The following KIRREL1 variants were observed in gnomAD, a reference collection of about 807,000 sequenced individuals.
KIRREL1 encodes kirre like nephrin family adhesion molecule 1, also known as kin of IRRE-like protein 1.
A neutral mutation model predicts 83.3 loss-of-function variants in KIRREL1; 25 were observed. The observed-to-expected ratio is 0.30, with a 90% CI of 0.22 to 0.42. The LOEUF is 0.42. Ranked by LOEUF, KIRREL1 falls within the 10% of genes least tolerant of loss-of-function variation. The pLI is 1.00. For missense variants in KIRREL1, 812 were observed against 1,032.3 expected (o/e 0.79, Z 2.92); for synonymous variants, 388 against 410.4 (o/e 0.95, Z 0.66).
Position 158,095,992 on chromosome 1 carries a change from C to T in KIRREL1, c.*872C>T, listed in dbSNP as rs1662346201. On this transcript the variant is annotated 3_prime_UTR_variant, in exon 15 of 15. Coordinates refer to ENST00000359209, the MANE Select transcript of KIRREL1 (RefSeq NM_018240.7). Reference sequence around the variant, plus strand: ...TCTGCCCCACTTCCTGGCTTTAACTCTTGAGCTGGTTTGGGGAGTGGTGAG... The same window carrying T: ...TCTGCCCCACTTCCTGGCTTTAACTTTTGAGCTGGTTTGGGGAGTGGTGAG... 2 of 155,508 alleles carry T rather than the reference C, an allele frequency of 1.3e-5. No homozygotes were observed. Among genetic ancestry groups the T allele is most frequent in the Admixed American group, 1.3e-4 (2 of 15,788 alleles). The allele number at this position is 155,508 out of a possible 1,614,324, so 9.6% of individuals were successfully genotyped here.
At position 158,076,685 on chromosome 1, in the gene KIRREL1, G is replaced by A. The variant is rs1004945339; in HGVS notation, c.202+423G>A. Among the ~76,000 whole-genome samples, 5 of 152,226 alleles carry A rather than the reference G, an allele frequency of 3.3e-5. No individual in the cohort carries two copies. In the East Asian group the frequency reaches 9.6e-4, roughly 29 times the overall value. On this transcript the variant is annotated intron_variant, in intron 2 of 14. Transcript: ENST00000359209. ...CTCATGCCGGCCTGGCTCGGCTCCA[G>A]CCTCTCTCCTCCCCGCTGCCCAGGC...
Position 158,087,838 on chromosome 1 carries a change from A to T in KIRREL1, c.745A>T (p.Asn249Tyr). 1 of 1,614,050 alleles carries T rather than the reference A, an allele frequency of 6.2e-7. No individual in the cohort carries two copies. Among genetic ancestry groups the T allele is most frequent in the Non-Finnish European group, 8.5e-7 (1 of 1,179,954 alleles). Reference sequence around the variant, plus strand: ...TGTCTTTACCTGCCAGGCCACAGCCAACCCCGAGATCTTGGGCTACAGGTG... The same window carrying T: ...TGTCTTTACCTGCCAGGCCACAGCCTACCCCGAGATCTTGGGCTACAGGTG... ...RVVFTCQATANPEILGYRWAK... is the reference protein window; with the variant it reads ...RVVFTCQATAYPEILGYRWAK... Residue 249 changes from asparagine to tyrosine, a missense_variant, in exon 6 of 15, where the codon AAC (asparagine) becomes TAC (tyrosine). By Grantham distance (143) the Asn-to-Tyr change is moderately radical. Coordinates refer to ENST00000359209, the MANE Select transcript of KIRREL1 (RefSeq NM_018240.7).
In KIRREL1 at chr1:158,004,782, A is replaced by G. The variant is rs138071606; in HGVS notation, c.52+11054A>G. On this transcript the variant is annotated intron_variant, in intron 1 of 14. Coordinates refer to ENST00000359209, the MANE Select transcript of KIRREL1 (RefSeq NM_018240.7). ...AACATGGTGAAACACCGTCTCTACT[A>G]AAAATACAAAAATTAGCCAGGCTTG... Among the ~76,000 whole-genome samples, 456 of 152,142 alleles carry G rather than the reference A, an allele frequency of 3.0e-3. 2 individuals are homozygous for G. The highest frequency in any genetic ancestry group is 0.011 in the African/African-American group (437 of 41,504).
At chr1:158,002,817 G>A (rs964507341) in intron 1 of KIRREL1, among the ~76,000 whole-genome samples, 5 of 152,154 alleles carry the variant, frequency 3.3e-5, no homozygotes, top group Admixed American at 3.3e-4. Flanking sequence ...GTGGTGCCAC[G>A]AGATATCCAA....
intron 3 of KIRREL1, among the ~76,000 whole-genome samples, chr1:158,081,937 C>G (rs1366309308): frequency 1.3e-5 from 2 of 152,196 alleles, no homozygotes; most frequent in Non-Finnish European, 2.9e-5. Context: ...CGGGGCTCTG[C>G]CCATCCAGGA....
intron 5 of KIRREL1, 144 bp downstream of exon 5, chr1:158,086,890 T>G: frequency 2.9e-4 from 213 of 732,756 alleles, no homozygotes; most frequent in East Asian, 5.3e-4. Flanking sequence ...ACATCTTTCA[T>G]TCCCTGGATT....
intron 1 of KIRREL1, among the ~76,000 whole-genome samples, chr1:158,006,315 GTTC>G (rs1398357989): frequency 6.6e-6 from 1 of 152,200 alleles, no homozygotes; most frequent in Admixed American, 6.5e-5. Context: ...CAAGCAGGAA[GTTC>G]TTCTTTGTGT....
chr1:158,098,125 A>G lies in KIRREL1; in HGVS notation c.*3005A>G, dbSNP rs1662400661. On this transcript the variant is annotated 3_prime_UTR_variant, in exon 15 of 15. Coordinates refer to ENST00000359209, the MANE Select transcript of KIRREL1 (RefSeq NM_018240.7). ...GGCTTCATTATCTTGTCAGAAGTGA[A>G]TTAGTTTCCACCAGGGACCCCTTTA... The G allele has an allele frequency of 6.6e-6, 1 of 152,174 alleles. No homozygotes were observed. The highest frequency in any genetic ancestry group is 1.5e-5 in the Non-Finnish European group (1 of 68,052). 9.4% of individuals were successfully genotyped at this position (152,174 alleles called of 1,614,324 possible).
At chr1:158,002,061 C>T (rs1186349488) in intron 1 of KIRREL1, among the ~76,000 whole-genome samples, 1 of 152,166 alleles carries the variant, frequency 6.6e-6, no homozygotes, top group Non-Finnish European at 1.5e-5. Flanking sequence ...TTTGGCCAGG[C>T]AGAAGTGAGC....
intron 1 of KIRREL1, among the ~76,000 whole-genome samples, chr1:158,017,761 G>GT (rs11381270): frequency 0.94 from 141,712 of 150,846 alleles, 66,766 homozygotes; most frequent in East Asian, 1. Flanking sequence ...CTATTTTTCT[G>GT]TTTTTTTTAA....
rs1011089148 is a variant in KIRREL1, at chr1:158,066,923, A to G, written c.53-9190A>G. ...CAGGTTTTCAGCAGAACCATCCATC[A>G]GCCCTACCACCCCCTTTCTGCTCCC... On this transcript the variant is annotated intron_variant, in intron 1 of 14. Transcript: ENST00000359209. Among the ~76,000 whole-genome samples, 9 of 152,154 alleles carry G rather than the reference A, an allele frequency of 5.9e-5. 1 individual carries two copies. Among genetic ancestry groups the G allele is most frequent in the Admixed American group, 2.0e-4 (3 of 15,268 alleles).
rs1553238087 is a variant in KIRREL1, at chr1:158,029,366, T to TGTGTGTGTGTGTGTGTGC, written c.52+35639_52+35640insTGTGTGTGTGTGTGTGCG. 2.3e-3 allele frequency among the ~76,000 whole-genome samples: 350 copies of TGTGTGTGTGTGTGTGTGC among 149,016 alleles called. 1 individual carries two copies. Among genetic ancestry groups the TGTGTGTGTGTGTGTGTGC allele is most frequent in the South Asian group, 5.8e-3 (27 of 4,684 alleles). ...GTGTGTGTGTGTGTGTGTGTGTGTG[T>TGTGTGTGTGTGTGTGTGC]GCACGTGCGCGCGCATGCACACATG... On this transcript the variant is annotated intron_variant, in intron 1 of 14. Transcript: ENST00000359209.
intron 1 of KIRREL1, among the ~76,000 whole-genome samples, chr1:158,021,768 G>T (rs1660009434): frequency 6.6e-6 from 1 of 152,096 alleles, no homozygotes; most frequent in Non-Finnish European, 1.5e-5. Flanking sequence ...TTACAAAAGG[G>T]GTTTTTTTGG....
chr1:158,041,749 G>A (rs1003612481), intron 1 of KIRREL1, among the ~76,000 whole-genome samples: 15 of 152,198 alleles, frequency 9.9e-5, no homozygotes, highest in African/African-American at 3.6e-4. Flanking sequence ...GCGTGATGGT[G>A]AACAAGTCTC....
chr1:158,024,998 C>G (rs1223653166), intron 1 of KIRREL1, among the ~76,000 whole-genome samples: 2 of 152,202 alleles, frequency 1.3e-5, no homozygotes, highest in African/African-American at 2.4e-5. Flanking sequence ...ATCCTGTCCC[C>G]GAGGGACCCA....
At chr1:158,090,833 G>A (rs1253858778) in intron 10 of KIRREL1, among the ~76,000 whole-genome samples, 3 of 152,186 alleles carry the variant, frequency 2.0e-5, no homozygotes, top group Non-Finnish European at 4.4e-5. Context: ...CTTGAGCATT[G>A]TCTAGCCCTA....
chr1:158,052,659 G>T (rs1190641690), intron 1 of KIRREL1, among the ~76,000 whole-genome samples: 1 of 151,866 alleles, frequency 6.6e-6, no homozygotes, highest in Non-Finnish European at 1.5e-5. Context: ...GGTGGCGGGT[G>T]CCTGTAGTCC....
At chr1:158,022,923 G>C (rs896133939) in intron 1 of KIRREL1, among the ~76,000 whole-genome samples, 1 of 152,214 alleles carries the variant, frequency 6.6e-6, no homozygotes, top group African/African-American at 2.4e-5. Context: ...AATGAAGAGA[G>C]ACCTGGGGTT....
At chr1:157,994,885 A>T (rs540236404) in intron 1 of KIRREL1, among the ~76,000 whole-genome samples, 11 of 152,304 alleles carry the variant, frequency 7.2e-5, no homozygotes, top group African/African-American at 2.6e-4. Context: ...AGATCGGCAC[A>T]CACTCACGCA....
Sources: gnomAD v4.1 joint callset for allele counts (sites outside exome capture counted in the v4.1 genomes callset) on GRCh38, gnomAD v4.1.1 for gene constraint, MANE v1.5 for transcripts, NCBI Gene and HGNC (gene_info 2026-07-23, HGNC 2026-07-21) for gene names.